The following WWOX variants were observed in gnomAD, a reference collection of about 807,000 sequenced individuals.
The protein encoded by WWOX is WW domain-containing oxidoreductase.
Under a neutral mutation model 46.2 loss-of-function variants are expected in WWOX, and 69 were observed. The observed-to-expected ratio is 1.49, with a 90% CI of 1.23 to 1.82. WWOX has a LOEUF of 1.82. WWOX is among the 40% of genes most tolerant of loss of function. WWOX has a pLI of 0.00. For synonymous variants in WWOX, 359 were observed against 202.6 expected, an observed-to-expected ratio of 1.77 and a Z score of -6.56; for missense variants, 919 against 542.6, an observed-to-expected ratio of 1.69 and a Z score of -6.89.
chr16:78,930,492 T>C (rs921688919), intron 8 of WWOX, among the ~76,000 whole-genome samples: 1 of 145,146 alleles, frequency 6.9e-6, no homozygotes, highest in Non-Finnish European at 1.5e-5. Context: ...GGTTTCACCA[T>C]GTTGCCCAGG....
chr16:78,248,480 A>C (rs1300220148), intron 5 of WWOX, among the ~76,000 whole-genome samples: 1 of 152,176 alleles, frequency 6.6e-6, no homozygotes, highest in Non-Finnish European at 1.5e-5. Context: ...CACACTCTGT[A>C]ATCCCAGCAC....
chr16:78,685,503 C>T (rs2047833879), intron 8 of WWOX, among the ~76,000 whole-genome samples: 2 of 152,148 alleles, frequency 1.3e-5, no homozygotes, highest in African/African-American at 2.4e-5. Flanking sequence ...TAAAACTAGA[C>T]CTGGGGACTA....
intron 8 of WWOX, among the ~76,000 whole-genome samples, chr16:78,996,846 G>T (rs897714673): frequency 1.3e-5 from 2 of 152,114 alleles, no homozygotes; most frequent in African/African-American, 4.8e-5. Context: ...ACATCTCCCC[G>T]GCCTCCGACA....
chr16:78,865,054 C>T (rs1374398914), intron 8 of WWOX, among the ~76,000 whole-genome samples: 6 of 151,968 alleles, frequency 3.9e-5, no homozygotes, highest in South Asian at 2.1e-4. Flanking sequence ...TGAGCCACCG[C>T]GCCTGGCTTT....
chr16:79,059,277 A>G (rs1285278565), intron 8 of WWOX, among the ~76,000 whole-genome samples: 1 of 152,132 alleles, frequency 6.6e-6, no homozygotes, highest in Non-Finnish European at 1.5e-5. Flanking sequence ...AGCGTAAAAG[A>G]CACCCTCATG....
chr16:78,526,766 G>A (rs1013435618), intron 8 of WWOX, among the ~76,000 whole-genome samples: 3 of 152,166 alleles, frequency 2.0e-5, no homozygotes, highest in African/African-American at 7.2e-5. Context: ...AGGGCAACAG[G>A]GGCAGTGGGT....
intron 5 of WWOX, chr16:78,278,661 A>G: frequency 1.2e-6 from 2 of 1,608,796 alleles, no homozygotes; most frequent in Non-Finnish European, 1.7e-6. Context: ...CACTAGCAAA[A>G]GAAGGAAAAA....
At chr16:79,197,461 C>T (rs1247653195) in intron 8 of WWOX, among the ~76,000 whole-genome samples, 1 of 152,038 alleles carries the variant, frequency 6.6e-6, no homozygotes, top group Non-Finnish European at 1.5e-5. Context: ...AACCCACCCC[C>T]TGCACTGCCC....
At chr16:78,608,738 G>A (rs2045826190) in intron 8 of WWOX, among the ~76,000 whole-genome samples, 1 of 152,186 alleles carries the variant, frequency 6.6e-6, no homozygotes. Flanking sequence ...CTCATTTGGA[G>A]TACTGCGGAC....
At chr16:78,623,914 A>G (rs1232555870) in intron 8 of WWOX, among the ~76,000 whole-genome samples, 3 of 152,196 alleles carry the variant, frequency 2.0e-5, no homozygotes, top group Non-Finnish European at 4.4e-5. Context: ...GGAGCAGCTC[A>G]TGTGACCAGA....
intron 5 of WWOX, among the ~76,000 whole-genome samples, chr16:78,364,758 C>G (rs1000400857): frequency 6.6e-6 from 1 of 152,198 alleles, no homozygotes; most frequent in African/African-American, 2.4e-5. Context: ...ATGTGCTACC[C>G]TGTGTATGTC....
chr16:78,280,054 C>T (rs1377488038), intron 5 of WWOX, among the ~76,000 whole-genome samples: 1 of 152,240 alleles, frequency 6.6e-6, no homozygotes, highest in Non-Finnish European at 1.5e-5. Flanking sequence ...ACTGGAGTTT[C>T]GTCAGCTGAG....
intron 8 of WWOX, among the ~76,000 whole-genome samples, chr16:79,114,179 G>A (rs906847071): frequency 9.9e-5 from 15 of 152,046 alleles, no homozygotes; most frequent in Non-Finnish European, 2.1e-4. Flanking sequence ...TCTATTATGG[G>A]TTGAATTGCA....
At chr16:79,166,287 C>T (rs2050592957) in intron 8 of WWOX, among the ~76,000 whole-genome samples, 1 of 152,210 alleles carries the variant, frequency 6.6e-6, no homozygotes, top group Non-Finnish European at 1.5e-5. Context: ...GGTGTTTCAG[C>T]CAGGGCTTTT....
intron 8 of WWOX, among the ~76,000 whole-genome samples, chr16:79,179,144 C>CA (rs1253783940): frequency 2.6e-5 from 4 of 152,304 alleles, no homozygotes; most frequent in African/African-American, 9.6e-5. Flanking sequence ...TTTAAACTCA[C>CA]AAAACCTGGA....
intron 5 of WWOX, among the ~76,000 whole-genome samples, chr16:78,287,843 CA>C (rs1314936978): frequency 6.6e-6 from 1 of 152,150 alleles, no homozygotes; most frequent in Non-Finnish European, 1.5e-5. Flanking sequence ...CACAAAGGCA[CA>C]AGAACTGTTT....
chr16:78,470,959 T>A (rs1374861844), intron 8 of WWOX, among the ~76,000 whole-genome samples: 1 of 152,208 alleles, frequency 6.6e-6, no homozygotes, highest in Non-Finnish European at 1.5e-5. Context: ...TATGACAGAT[T>A]CTAGCCATCA....
intron 8 of WWOX, among the ~76,000 whole-genome samples, chr16:78,810,993 A>G (rs1001004413): frequency 1.3e-5 from 2 of 152,198 alleles, no homozygotes; most frequent in African/African-American, 4.8e-5. Context: ...AGGACGCATC[A>G]AAGAGCTTCT....
At chr16:78,608,705 G>A (rs34734576) in intron 8 of WWOX, among the ~76,000 whole-genome samples, 6 of 152,138 alleles carry the variant, frequency 3.9e-5, no homozygotes, top group Admixed American at 6.6e-5. Context: ...CTGACATGAC[G>A]GGACCTTTAC....
Sources: gnomAD v4.1 joint callset for allele counts (sites outside exome capture counted in the v4.1 genomes callset) on GRCh38, gnomAD v4.1.1 for gene constraint, MANE v1.5 for transcripts, NCBI Gene and HGNC (gene_info 2026-07-23, HGNC 2026-07-21) for gene names.